ARHGAP8: variants seen among roughly 807,000 people sequenced by gnomAD.
ARHGAP8 encodes Rho GTPase activating protein 8, also known as rho GTPase-activating protein 8.
A neutral mutation model predicts 46.1 loss-of-function variants in ARHGAP8; 62 were observed. The ratio of observed to expected loss-of-function variants is 1.34; its 90% confidence interval spans 1.10 to 1.66. The LOEUF is 1.66. Ranked by LOEUF, ARHGAP8 falls within the 40% of genes most tolerant of loss-of-function variation. The pLI is 0.00. For synonymous variants in ARHGAP8, 375 were observed against 243.1 expected (o/e 1.54, Z -5.05); for missense variants, 923 against 568.4 (o/e 1.62, Z -6.34).
chr22:44,810,046 C>G (rs1929223569), intron 4 of ARHGAP8, among the ~76,000 whole-genome samples: 1 of 152,144 alleles, frequency 6.6e-6, no homozygotes, highest in Admixed American at 6.5e-5. Flanking sequence ...ATGTCCTCCT[C>G]CAGGAAGGCT....
chr22:44,793,283 G>A (rs776618892), intron 2 of ARHGAP8, among the ~76,000 whole-genome samples: 124 of 152,156 alleles, frequency 8.1e-4, no homozygotes, highest in Non-Finnish European at 1.2e-3. Context: ...GGGATGGAAG[G>A]TTCCAGGTCT....
At chr22:44,799,609 G>A (rs1277325261) in intron 2 of ARHGAP8, among the ~76,000 whole-genome samples, 1 of 152,118 alleles carries the variant, frequency 6.6e-6, no homozygotes, top group East Asian at 1.9e-4. Context: ...ACGACAGCCT[G>A]GTGTGGGTTT....
chr22:44,859,140 G>A (rs924323893), intron 10 of ARHGAP8, among the ~76,000 whole-genome samples: 8 of 152,186 alleles, frequency 5.3e-5, no homozygotes, highest in East Asian at 1.9e-4. Context: ...AGGTGGTGCT[G>A]CTGGCTGATA....
intron 1 of ARHGAP8, among the ~76,000 whole-genome samples, chr22:44,763,490 T>TG (rs1449790734): frequency 1.5e-3 from 54 of 34,962 alleles, no homozygotes; most frequent in Non-Finnish European, 2.1e-3. Flanking sequence ...AGACTCTGTC[T>TG]CAAAAAAAAA....
intron 1 of ARHGAP8, among the ~76,000 whole-genome samples, chr22:44,782,207 C>T (rs1410563751): frequency 1.3e-5 from 2 of 151,994 alleles, no homozygotes; most frequent in Non-Finnish European, 2.9e-5. Context: ...CATGGTGGCA[C>T]ATGCCTGTAG....
At position 44,805,238 on chromosome 22, in the gene ARHGAP8, G is replaced by T. The variant is rs192999460; in HGVS notation, c.168-3069G>T. On this transcript the variant is annotated intron_variant, in intron 3 of 11. Coordinates refer to ENST00000356099, the MANE Select transcript of ARHGAP8 (RefSeq NM_181335.3). ...GCCAGGAATGAGCTCACGATTTGCT[G>T]TTCTTATAAAGACAAAAGTGCCTGC... is the stretch of plus-strand genomic sequence containing the variant. 1.8e-3 allele frequency among the ~76,000 whole-genome samples: 268 copies of T among 152,362 alleles called. 2 individuals are homozygous for T. Among genetic ancestry groups the T allele is most frequent in the African/African-American group, 6.0e-3 (248 of 41,590 alleles).
intron 11 of ARHGAP8, among the ~76,000 whole-genome samples, chr22:44,861,017 A>G (rs557631217): frequency 6.6e-6 from 1 of 152,120 alleles, no homozygotes. Context: ...TCTCAAAAAA[A>G]TTTTTTGAGA....
At chr22:44,753,114 G>C (rs1388321856) in intron 1 of ARHGAP8, among the ~76,000 whole-genome samples, 1 of 151,986 alleles carries the variant, frequency 6.6e-6, no homozygotes, top group Non-Finnish European at 1.5e-5. Context: ...CCGTTTCATA[G>C]ATGAGAAAAC....
Position 44,862,391 on chromosome 22 carries a change from G to C in ARHGAP8, c.1098G>C (p.Leu366=), listed in dbSNP as rs762224944. Residue 366 remains leucine (L), a synonymous_variant, in exon 12 of 12, where the codon CTG becomes CTC. Transcript: ENST00000356099. ...CCTCCCTGAGTGCCCTTGTGCCCCT[G>C]AACATGTTCACTGAACTGCTGATCG... The part of the protein sequence containing the change: ...GVSSLSALVP[L]NMFTELLIEY... 1 of 1,614,120 alleles carries C rather than the reference G, an allele frequency of 6.2e-7. No homozygotes were observed.
intron 1 of ARHGAP8, among the ~76,000 whole-genome samples, chr22:44,753,700 G>T (rs562062398): frequency 1.3e-5 from 2 of 152,196 alleles, no homozygotes; most frequent in South Asian, 4.2e-4. Context: ...GAGTGTGAAG[G>T]CCCCGGAGAA....
At chr22:44,822,858 G>A (rs1039342410) in intron 6 of ARHGAP8, among the ~76,000 whole-genome samples, 2 of 152,192 alleles carry the variant, frequency 1.3e-5, no homozygotes, top group African/African-American at 4.8e-5. Flanking sequence ...GACGTCACGG[G>A]TGCTCTAGAA....
chr22:44,797,198 A>G (rs1353914542), intron 2 of ARHGAP8, among the ~76,000 whole-genome samples: 1 of 148,152 alleles, frequency 6.7e-6, no homozygotes, highest in Admixed American at 6.7e-5. Flanking sequence ...CTGATTCCAG[A>G]CATGATAATG....
chr22:44,806,337 G>A (rs895488312), intron 3 of ARHGAP8, among the ~76,000 whole-genome samples: 3 of 152,186 alleles, frequency 2.0e-5, no homozygotes, highest in Non-Finnish European at 4.4e-5. Flanking sequence ...CTTCCACAAC[G>A]GGTGAGCTGA....
rs560146161 is a variant in ARHGAP8 at position 44,850,356 on chromosome 22, T to C, written c.877+1296T>C. 2.0e-5 allele frequency: 3 copies of C among 148,804 alleles called. No individual in the cohort carries two copies. The South Asian group carries it at 6.3e-4, about 31-fold the overall frequency. The allele number at this position is 148,804 out of a possible 1,614,324, so 9.2% of individuals were successfully genotyped here. On this transcript the variant is annotated intron_variant, in intron 10 of 11. Coordinates refer to ENST00000356099, the MANE Select transcript of ARHGAP8 (RefSeq NM_181335.3). Reference sequence around the variant, plus strand: ...AGCCTCATGGAGACAAATTTGATCATGCGCATAGAGGTACCTATCTGGTGG... The same window carrying C: ...AGCCTCATGGAGACAAATTTGATCACGCGCATAGAGGTACCTATCTGGTGG...
At chr22:44,796,002 G>A (rs1402261663) in intron 2 of ARHGAP8, among the ~76,000 whole-genome samples, 2 of 152,116 alleles carry the variant, frequency 1.3e-5, no homozygotes, top group African/African-American at 4.8e-5. Flanking sequence ...TGGCCTTGCT[G>A]TAGGCTGTCC....
intron 1 of ARHGAP8, among the ~76,000 whole-genome samples, chr22:44,779,663 G>A (rs1316188530): frequency 1.3e-5 from 2 of 149,168 alleles, no homozygotes; most frequent in African/African-American, 2.5e-5. Flanking sequence ...CCAGGTTCAA[G>A]CAATTCTTCT....
intron 1 of ARHGAP8, among the ~76,000 whole-genome samples, chr22:44,757,469 G>A (rs1338334823): frequency 6.6e-6 from 1 of 151,998 alleles, no homozygotes; most frequent in African/African-American, 2.4e-5. Context: ...TAGAGACAAG[G>A]TTTTACCATG....
chr22:44,858,904 TTAGGCTTTG>T (rs1251574854), intron 10 of ARHGAP8, among the ~76,000 whole-genome samples: 40 of 151,814 alleles, frequency 2.6e-4, no homozygotes, highest in African/African-American at 9.2e-4. Flanking sequence ...AGTAAATATG[TTAGGCTTTG>T]TGGGCCTTGT....
chr22:44,862,444 C>A lies in ARHGAP8; in HGVS notation c.1151C>A (p.Pro384Gln), dbSNP rs2071762. 2.5e-6 allele frequency: 4 copies of A among 1,613,882 alleles called. No homozygotes were observed. Among genetic ancestry groups the A allele is most frequent in the Non-Finnish European group, 3.4e-6 (4 of 1,179,974 alleles). ...TACTATGAAAAGATCTTCAGCACCC[C>A]GGAGGCACCTGGGGAGCACGGCCTG... is the stretch of plus-strand genomic sequence containing the variant. ...IEYYEKIFSTPEAPGEHGLAP... is the reference protein window; with the variant it reads ...IEYYEKIFSTQEAPGEHGLAP... The change falls in exon 12 of 12, where the codon CCG (proline) becomes CAG (glutamine). Residue 384 changes from proline (P) to glutamine (Q), a missense_variant. Physicochemically the swap from Pro to Gln is moderately conservative, Grantham distance 76 (BLOSUM62 -1). Coordinates refer to ENST00000356099, the MANE Select transcript of ARHGAP8 (RefSeq NM_181335.3).
Sources: allele counts gnomAD v4.1 joint callset (sites outside exome capture counted in the v4.1 genomes callset), GRCh38; gene constraint gnomAD v4.1.1; transcripts MANE v1.5; gene names NCBI Gene and HGNC (gene_info 2026-07-23, HGNC 2026-07-21).